The following NUP210L variants were observed in gnomAD, a reference collection of about 807,000 sequenced individuals.
The protein encoded by NUP210L is nuclear pore membrane glycoprotein 210-like.
In NUP210L, 74 loss-of-function variants were observed where a neutral mutation model predicts 208.5. The ratio of observed to expected loss-of-function variants is 0.35; its 90% CI spans 0.29 to 0.43. NUP210L has a LOEUF of 0.43. Ranked by LOEUF, NUP210L falls within the 20% of genes least tolerant of loss-of-function variation. The pLI, the probability that NUP210L is intolerant of heterozygous loss-of-function variation, is 1.00. For synonymous variants in NUP210L, 780 were observed against 816.9 expected (o/e 0.95, Z 0.77); for missense variants, 1,843 against 2,289.4 (o/e 0.81, Z 3.98).
At chr1:154,074,796 T>C (rs1337666776) in intron 16 of NUP210L, among the ~76,000 whole-genome samples, 1 of 152,170 alleles carries the variant, frequency 6.6e-6, no homozygotes, top group African/African-American at 2.4e-5. Flanking sequence ...GCTGGGATCA[T>C]GAATTTTAAG....
chr1:154,133,163 C>G (rs1461072525), intron 7 of NUP210L, among the ~76,000 whole-genome samples: 1 of 152,208 alleles, frequency 6.6e-6, no homozygotes, highest in Non-Finnish European at 1.5e-5. Flanking sequence ...TACTTCAGAA[C>G]CTTTGCCATT....
chr1:154,095,222 C>G (rs890908200), intron 14 of NUP210L, 66 bp from the exon 15 acceptor site: 2 of 1,168,222 alleles, frequency 1.7e-6, no homozygotes, highest in Non-Finnish European at 1.3e-6. Flanking sequence ...TAAAGTGAAA[C>G]ACTAGTTATC....
intron 17 of NUP210L, among the ~76,000 whole-genome samples, chr1:154,064,233 C>T (rs1185352960): frequency 1.3e-5 from 2 of 151,784 alleles, no homozygotes; most frequent in African/African-American, 4.8e-5. Context: ...GTGAATCATG[C>T]CTGCTGGTAT....
chr1:154,005,673 A>C lies in NUP210L; in HGVS notation c.4931-3688T>G, dbSNP rs1434470065. ...TGCCTCAGCCTCCCGAGTAGCTGGG[A>C]TTACAGGTATGCAACACCACGTCTG... On this transcript the variant is annotated intron_variant, in intron 35 of 39. Transcript: ENST00000368559. 4.6e-5 allele frequency among the ~76,000 whole-genome samples: 7 copies of C among 150,950 alleles called. 1 individual carries two copies. The South Asian group carries it at 1.3e-3, about 27-fold the overall frequency.
At chr1:154,072,420 C>A (rs1410361694) in intron 16 of NUP210L, among the ~76,000 whole-genome samples, 2 of 144,040 alleles carry the variant, frequency 1.4e-5, no homozygotes, top group Non-Finnish European at 3.0e-5. Context: ...GCAAGCTCCA[C>A]CTCCCGGGTT....
chr1:154,137,540 G>C (rs906100991), intron 6 of NUP210L, among the ~76,000 whole-genome samples: 8 of 112,972 alleles, frequency 7.1e-5, no homozygotes, highest in Non-Finnish European at 1.1e-4. Context: ...GACAGAGAGA[G>C]ACTACATCTA....
chr1:154,085,735 C>T (rs1469131558), intron 16 of NUP210L, among the ~76,000 whole-genome samples: 1 of 152,154 alleles, frequency 6.6e-6, no homozygotes, highest in Non-Finnish European at 1.5e-5. Flanking sequence ...TACAAAACTA[C>T]AGTGATCAAG....
chr1:154,052,414 C>T (rs574004829), intron 25 of NUP210L, among the ~76,000 whole-genome samples: 2 of 152,074 alleles, frequency 1.3e-5, no homozygotes, highest in African/African-American at 2.4e-5. Context: ...CAACACCCGT[C>T]GAACACAGCC....
chr1:154,055,834 C>T (rs763506723), intron 23 of NUP210L, among the ~76,000 whole-genome samples: 1 of 152,176 alleles, frequency 6.6e-6, no homozygotes, highest in Non-Finnish European at 1.5e-5. Flanking sequence ...TATCTACTCA[C>T]TAGAGTAAAA....
chr1:154,111,770 C>G (rs1296458084), intron 12 of NUP210L, among the ~76,000 whole-genome samples: 3 of 151,434 alleles, frequency 2.0e-5, no homozygotes, highest in Admixed American at 6.6e-5. Context: ...AGAATACGTC[C>G]AAACTTATTC....
chr1:154,105,015 T>C (rs1023775229), intron 12 of NUP210L, among the ~76,000 whole-genome samples: 1 of 152,288 alleles, frequency 6.6e-6, no homozygotes, highest in Non-Finnish European at 1.5e-5. Context: ...AAAAGGACTT[T>C]GTTTTGCAAC....
intron 37 of NUP210L, among the ~76,000 whole-genome samples, chr1:153,996,333 C>T (rs1430723568): frequency 6.6e-6 from 1 of 152,098 alleles, no homozygotes; most frequent in Non-Finnish European, 1.5e-5. Flanking sequence ...TTACCTTTCC[C>T]GTGCACTTTA....
chr1:154,016,214 T>A (rs1651239107), intron 33 of NUP210L, among the ~76,000 whole-genome samples: 1 of 151,336 alleles, frequency 6.6e-6, no homozygotes, highest in Non-Finnish European at 1.5e-5. Flanking sequence ...CATGATTGCA[T>A]CATTGTATTC....
intron 6 of NUP210L, among the ~76,000 whole-genome samples, chr1:154,136,313 G>A (rs572919663): frequency 1.3e-5 from 2 of 151,974 alleles, no homozygotes; most frequent in Admixed American, 6.6e-5. Context: ...TTAGCCGGGC[G>A]TGATGGCGTG....
At position 154,073,718 on chromosome 1, in the gene NUP210L, G is replaced by C. The variant is rs1654887541; in HGVS notation, c.2362-3253C>G. ...TAGTCCCAGCTACTCAGGAGGCTGA[G>C]GCACGAGAATCGCTTGAACCTGGGA... On this transcript the variant is annotated intron_variant, in intron 16 of 39. Coordinates refer to ENST00000368559, the Ensembl canonical transcript of NUP210L. 2.0e-5 allele frequency among the ~76,000 whole-genome samples: 3 copies of C among 151,790 alleles called. No homozygotes were observed. The South Asian group carries it at 6.2e-4, about 32-fold the overall frequency.
At chr1:154,136,431 G>A (rs1658550528) in intron 6 of NUP210L, among the ~76,000 whole-genome samples, 1 of 151,508 alleles carries the variant, frequency 6.6e-6, no homozygotes, top group Non-Finnish European at 1.5e-5. Flanking sequence ...TAGCCTGGGC[G>A]ACAAAGCATA....
At chr1:153,995,838 A>G (rs942594383) in intron 37 of NUP210L, 5 of 609,584 alleles carry the variant, frequency 8.2e-6, no homozygotes, top group South Asian at 1.4e-5. Flanking sequence ...GATTGTCCAA[A>G]ACAACATGTC....
rs1464178703 is a variant in NUP210L, at chr1:154,089,076, T to C, written c.2361+345A>G. ...AGATCTCAAGTGTCTATTGCCATTATCACAAGCTGATTATGTACTTAAGTA... is the reference window on the plus strand; with the variant it reads ...AGATCTCAAGTGTCTATTGCCATTACCACAAGCTGATTATGTACTTAAGTA... On this transcript the variant is annotated intron_variant, in intron 16 of 39. Coordinates refer to ENST00000368559, the Ensembl canonical transcript of NUP210L. Among the ~76,000 whole-genome samples the C allele has an allele frequency of 2.0e-5, 3 of 152,166 alleles. No homozygotes were observed. In the East Asian group the frequency reaches 5.8e-4, roughly 29 times the overall value.
intron 2 of NUP210L, among the ~76,000 whole-genome samples, chr1:154,146,515 C>G (rs963422414): frequency 3.3e-5 from 5 of 151,712 alleles, no homozygotes; most frequent in Non-Finnish European, 5.9e-5. Context: ...ATCTATGGTT[C>G]CAGCTACGTG....
Sources: gnomAD v4.1 joint callset for allele counts (sites outside exome capture counted in the v4.1 genomes callset) on GRCh38, gnomAD v4.1.1 for gene constraint, MANE v1.5 for transcripts, NCBI Gene and HGNC (gene_info 2026-07-23, HGNC 2026-07-21) for gene names.